The following DOCK3 variants were observed in gnomAD, a reference collection of about 807,000 sequenced individuals.
The protein encoded by DOCK3 is dedicator of cytokinesis protein 3.
In DOCK3, 60 loss-of-function variants were observed where a neutral mutation model predicts 265.6. The ratio of observed to expected loss-of-function variants is 0.23; its 90% CI spans 0.18 to 0.28. The LOEUF (loss-of-function observed/expected upper bound fraction) is 0.28, where lower values mean the gene tolerates loss of function less well. DOCK3 is among the 10% of genes least tolerant of loss of function. DOCK3 has a pLI of 1.00. For missense variants in DOCK3, 1,981 were observed against 2,594.3 expected (o/e 0.76, Z 5.14); for synonymous variants, 881 against 938.0 (o/e 0.94, Z 1.11).
At chr3:50,942,466 A>G in intron 5 of DOCK3, among the ~76,000 whole-genome samples, 1 of 152,046 alleles carries the variant, frequency 6.6e-6, no homozygotes, top group East Asian at 1.9e-4. Context: ...TGAGATTTTA[A>G]TTATTATTGG....
chr3:51,220,117 A>C (rs1252770819), intron 14 of DOCK3, among the ~76,000 whole-genome samples: 1 of 152,168 alleles, frequency 6.6e-6, no homozygotes. Context: ...CAAGTAAATA[A>C]GAACTACTCC....
chr3:50,859,096 T>C (rs1309714284), intron 3 of DOCK3, among the ~76,000 whole-genome samples: 1 of 151,998 alleles, frequency 6.6e-6, no homozygotes, highest in Non-Finnish European at 1.5e-5. Context: ...CATATTGTCA[T>C]CCTCCTGACT....
At chr3:51,342,827 T>C (rs775486898) in intron 38 of DOCK3, among the ~76,000 whole-genome samples, 4 of 152,196 alleles carry the variant, frequency 2.6e-5, no homozygotes, top group Non-Finnish European at 5.9e-5. Flanking sequence ...GGAGGCTCCA[T>C]AGGCCACCTT....
chr3:50,713,836 G>C (rs1315104869), intron 1 of DOCK3, among the ~76,000 whole-genome samples: 2 of 151,984 alleles, frequency 1.3e-5, no homozygotes, highest in Non-Finnish European at 2.9e-5. Flanking sequence ...ATGTTAGTCA[G>C]GTAAAGTTAC....
At chr3:50,791,749 C>T (rs2042490235) in intron 2 of DOCK3, among the ~76,000 whole-genome samples, 1 of 151,952 alleles carries the variant, frequency 6.6e-6, no homozygotes, top group Admixed American at 6.6e-5. Flanking sequence ...AGTGTGTGGC[C>T]TTGTTTCTGG....
At chr3:51,290,561 G>A (rs2081681752) in intron 27 of DOCK3, among the ~76,000 whole-genome samples, 1 of 152,066 alleles carries the variant, frequency 6.6e-6, no homozygotes, top group South Asian at 2.1e-4. Context: ...GGGAGGGATA[G>A]CATTAGGAGA....
At chr3:50,692,320 A>G (rs935320976) in intron 1 of DOCK3, among the ~76,000 whole-genome samples, 8 of 152,128 alleles carry the variant, frequency 5.3e-5, no homozygotes, top group South Asian at 4.1e-4. Flanking sequence ...GTGGAAGACA[A>G]TTTTTCCATG....
At chr3:51,128,100 A>C (rs570188234) in intron 9 of DOCK3, among the ~76,000 whole-genome samples, 58 of 152,278 alleles carry the variant, frequency 3.8e-4, no homozygotes, top group African/African-American at 1.2e-3. Flanking sequence ...TAATGGAATC[A>C]TTGTGTCTTT....
Position 50,880,375 on chromosome 3 carries a change from A to G in DOCK3, c.163-9651A>G, listed in dbSNP as rs2047959943. On this transcript the variant is annotated intron_variant, in intron 3 of 52. Transcript: ENST00000266037. ...AAAAGATGAACGAAATTGATAGACC[A>G]CTAGCAAGTCTGATAAAGAAGAAAA... is the stretch of plus-strand genomic sequence containing the variant. Among the ~76,000 whole-genome samples the G allele has an allele frequency of 2.0e-5, 3 of 152,154 alleles. No individual in the cohort carries two copies. In the South Asian group the frequency reaches 6.2e-4, roughly 31 times the overall value.
chr3:51,161,361 G>A (rs892304138), intron 12 of DOCK3, among the ~76,000 whole-genome samples: 4 of 149,776 alleles, frequency 2.7e-5, no homozygotes, highest in African/African-American at 9.8e-5. Context: ...GGAGAATGGC[G>A]TGAACCTGGG....
chr3:50,852,060 C>G (rs1276699198), intron 3 of DOCK3, among the ~76,000 whole-genome samples: 1 of 152,158 alleles, frequency 6.6e-6, no homozygotes, highest in Non-Finnish European at 1.5e-5. Context: ...GCTTAGATCC[C>G]CAGTGGAAAG....
At chr3:51,028,301 C>T (rs2079903232) in intron 5 of DOCK3, among the ~76,000 whole-genome samples, 1 of 152,032 alleles carries the variant, frequency 6.6e-6, no homozygotes, top group Non-Finnish European at 1.5e-5. Context: ...TGCTGTTTGT[C>T]TGGTGGAATT....
intron 21 of DOCK3, among the ~76,000 whole-genome samples, chr3:51,243,234 C>T (rs534822854): frequency 2.0e-5 from 3 of 152,194 alleles, no homozygotes; most frequent in Non-Finnish European, 4.4e-5. Flanking sequence ...ATACCAAACC[C>T]CCTGGGCTCC....
chr3:50,804,750 C>T (rs565565791), intron 2 of DOCK3, among the ~76,000 whole-genome samples: 5 of 137,972 alleles, frequency 3.6e-5, no homozygotes, highest in Non-Finnish European at 7.6e-5. Context: ...AGAGAGAGAC[C>T]GTGGGGAGAG....
intron 1 of DOCK3, among the ~76,000 whole-genome samples, chr3:50,711,284 CAG>C (rs2036750173): frequency 7.0e-6 from 1 of 143,338 alleles, no homozygotes. Flanking sequence ...TTTTTTGAGA[CAG>C]AGTTTTGCTC....
At chr3:51,326,251 T>A (rs902323408) in intron 32 of DOCK3, among the ~76,000 whole-genome samples, 1 of 117,446 alleles carries the variant, frequency 8.5e-6, no homozygotes, top group Non-Finnish European at 1.7e-5. Flanking sequence ...AGCTCCTAAT[T>A]TTATTTTTTT....
chr3:51,237,793 T>C (rs1425800295), intron 21 of DOCK3, among the ~76,000 whole-genome samples: 1 of 152,158 alleles, frequency 6.6e-6, no homozygotes, highest in African/African-American at 2.4e-5. Flanking sequence ...TTTAAGTACA[T>C]TCACATCATT....
At chr3:51,220,687 A>ATATGTGTG (rs1553797700) in intron 14 of DOCK3, among the ~76,000 whole-genome samples, 19 of 67,582 alleles carry the variant, frequency 2.8e-4, no homozygotes, top group South Asian at 2.1e-3. Context: ...ATATATATAT[A>ATATGTGTG]TGTGTGTGTG....
chr3:50,737,001 CTTCTT>C (rs1243555974), intron 1 of DOCK3, among the ~76,000 whole-genome samples: 1 of 152,052 alleles, frequency 6.6e-6, no homozygotes, highest in East Asian at 1.9e-4. Flanking sequence ...CAATAAATGT[CTTCTT>C]TTGAGTAGTG....
Sources: allele counts gnomAD v4.1 joint callset (sites outside exome capture counted in the v4.1 genomes callset), GRCh38; gene constraint gnomAD v4.1.1; transcripts MANE v1.5; gene names NCBI Gene and HGNC (gene_info 2026-07-23, HGNC 2026-07-21).